Variants in ACTR3 observed in about 807,000 individuals in gnomAD.
ACTR3 encodes actin-related protein 3.
In ACTR3, 12 loss-of-function variants were observed where a neutral mutation model predicts 56.8. The observed-to-expected ratio is 0.21, with a 90% CI of 0.14 to 0.34. The LOEUF (loss-of-function observed/expected upper bound fraction) is 0.34. Ranked by LOEUF, ACTR3 falls within the 10% of genes least tolerant of loss-of-function variation. The pLI is 1.00. For synonymous variants in ACTR3, 162 were observed against 167.4 expected (o/e 0.97, Z 0.25); for missense variants, 282 against 512.5 (o/e 0.55, Z 4.34).
In ACTR3 at chr2:113,916,867, T is replaced by G; in HGVS notation, c.101-17T>G. The stretch of plus-strand genomic sequence containing the variant: ...TGAGGAAAATGAATTCTTTGACATG[T>G]CTAACTTATTTTAAAGGTATTGCTA... On this transcript the variant is annotated splice_polypyrimidine_tract_variant and intron_variant, in intron 2 of 11. Transcript: ENST00000263238. 6.3e-7 allele frequency: 1 copy of G among 1,583,148 alleles called. No homozygotes were observed. Among genetic ancestry groups the G allele is most frequent in the Non-Finnish European group, 8.6e-7 (1 of 1,165,540 alleles).
chr2:113,907,727 C>T (rs1230369187), intron 1 of ACTR3, among the ~76,000 whole-genome samples: 3 of 151,964 alleles, frequency 2.0e-5, no homozygotes, highest in Non-Finnish European at 4.4e-5. Context: ...AATCCCAGCA[C>T]TTTGAGAGGC....
intron 10 of ACTR3, 56 bp from the exon 11 acceptor site, chr2:113,955,567 A>G: frequency 7.8e-7 from 1 of 1,287,716 alleles, no homozygotes; most frequent in Non-Finnish European, 1.1e-6. Context: ...GTTAAATGAC[A>G]CAGAAGTTGT....
At chr2:113,891,728 A>G (rs1175739781) in intron 1 of ACTR3, among the ~76,000 whole-genome samples, 1 of 152,104 alleles carries the variant, frequency 6.6e-6, no homozygotes, top group Non-Finnish European at 1.5e-5. Flanking sequence ...ATAACTAGCT[A>G]GTGTGGCAGT....
intron 6 of ACTR3, 59 bp from the exon 7 acceptor site, chr2:113,939,900 G>C: frequency 6.8e-7 from 1 of 1,477,982 alleles, no homozygotes; most frequent in Non-Finnish European, 9.2e-7. Flanking sequence ...CATATTTTTG[G>C]GTTATATTAA....
chr2:113,951,927 G>T, intron 10 of ACTR3, 82 bp downstream of exon 10: 1 of 1,548,752 alleles, frequency 6.5e-7, no homozygotes, highest in South Asian at 1.2e-5. Flanking sequence ...CATTCACTCT[G>T]ATTTAGAAAA....
intron 10 of ACTR3, 199 bp downstream of exon 10, chr2:113,952,044 G>A: frequency 2.9e-6 from 2 of 695,720 alleles, no homozygotes; most frequent in South Asian, 3.4e-5. Context: ...CTGTATTTCT[G>A]GAAAATAATT....
chr2:113,907,547 C>T (rs72835466), intron 1 of ACTR3, among the ~76,000 whole-genome samples: 44,069 of 152,098 alleles, frequency 0.29, 8,021 homozygotes, highest in Middle Eastern at 0.44. Context: ...GCCGTCACAC[C>T]CAGCTCATGA....
At chr2:113,917,333 A>G (rs1020463644) in intron 3 of ACTR3, among the ~76,000 whole-genome samples, 6 of 152,038 alleles carry the variant, frequency 3.9e-5, no homozygotes, top group African/African-American at 1.4e-4. Flanking sequence ...TCTTTATTCA[A>G]ACTTACACCA....
intron 1 of ACTR3, chr2:113,904,816 C>A (rs767277836): frequency 6.6e-6 from 1 of 152,168 alleles, no homozygotes; most frequent in Non-Finnish European, 1.5e-5. Context: ...AGTTGAGTCT[C>A]TTTTCATTTA....
chr2:113,940,334 A>T (rs191192754), intron 7 of ACTR3, among the ~76,000 whole-genome samples: 83 of 152,290 alleles, frequency 5.5e-4, no homozygotes, highest in African/African-American at 2.0e-3. Flanking sequence ...TAATATAAGA[A>T]CATTTTACCA....
chr2:113,892,109 A>C (rs538643520), intron 1 of ACTR3, among the ~76,000 whole-genome samples: 5 of 152,202 alleles, frequency 3.3e-5, no homozygotes, highest in Non-Finnish European at 5.9e-5. Flanking sequence ...GTAACATCTC[A>C]AGTAGTATGT....
Position 113,951,462 on chromosome 2 carries a change from T to TC in ACTR3, c.859-15dup. 6.5e-7 allele frequency: 1 copy of TC among 1,532,442 alleles called. No individual in the cohort carries two copies. The highest frequency in any genetic ancestry group is 1.1e-5 in the South Asian group (1 of 89,170). 94.9% of individuals were successfully genotyped at this position (1,532,442 alleles called of 1,614,324 possible). A position where few individuals can be genotyped will look rare whatever the true frequency, so the allele number is the denominator to read the frequency against. ...GTAGTGATATGATCTCTATTATATATCCAACTTATTTTTCAGTTTGCTAAT... is the reference window on the plus strand; with the variant it reads ...GTAGTGATATGATCTCTATTATATATCCCAACTTATTTTTCAGTTTGCTAAT... On this transcript the variant is annotated splice_polypyrimidine_tract_variant and intron_variant, in intron 8 of 11. Transcript: ENST00000263238.
intron 4 of ACTR3, among the ~76,000 whole-genome samples, chr2:113,929,551 G>C (rs35086061): frequency 0.073 from 11,180 of 152,208 alleles, 451 homozygotes; most frequent in African/African-American, 0.1. Flanking sequence ...CAGCGTCATA[G>C]GGTAGGTACC....
chr2:113,910,952 A>G (rs1357210109), intron 1 of ACTR3, among the ~76,000 whole-genome samples: 3 of 152,214 alleles, frequency 2.0e-5, no homozygotes, highest in Admixed American at 6.5e-5. Context: ...ATAATTCACT[A>G]TTGGTTAGAT....
At chr2:113,948,697 A>G (rs1226373288) in intron 8 of ACTR3, among the ~76,000 whole-genome samples, 1 of 152,180 alleles carries the variant, frequency 6.6e-6, no homozygotes, top group African/African-American at 2.4e-5. Flanking sequence ...CCAAGAAGTC[A>G]TTAATAAACT....
intron 6 of ACTR3, among the ~76,000 whole-genome samples, chr2:113,939,112 C>T (rs2104616808): frequency 6.6e-6 from 1 of 151,932 alleles, no homozygotes; most frequent in South Asian, 2.1e-4. Flanking sequence ...CAAGCTCCGC[C>T]TCCCGGGTTC....
intron 6 of ACTR3, among the ~76,000 whole-genome samples, chr2:113,934,858 T>TTCTTAA (rs1559480537): frequency 6.6e-6 from 1 of 152,140 alleles, no homozygotes; most frequent in Non-Finnish European, 1.5e-5. Flanking sequence ...TCCAAGGCCG[T>TTCTTAA]TGTGCTTCAG....
At position 113,934,348 on chromosome 2, in the gene ACTR3, A is replaced by G; in HGVS notation, c.502A>G (p.Ile168Val). The G allele has an allele frequency of 6.2e-7, 1 of 1,608,266 alleles. No homozygotes were observed. The highest frequency in any genetic ancestry group is 8.5e-7 in the Non-Finnish European group (1 of 1,178,178). Residue 168 changes from isoleucine to valine, a missense_variant, in exon 6 of 12, where the codon ATA becomes GTA. Coordinates refer to ENST00000263238, the MANE Select transcript of ACTR3 (RefSeq NM_005721.5). ...AGAACGGACGTTGACCGGTACGGTA[A>G]TAGACAGTGGAGATGGTGTCACTCA... ...VGERTLTGTV[I>V]DSGDGVTHVI... is the part of the protein sequence containing the mutation.
At chr2:113,897,712 A>G (rs1679035531) in intron 1 of ACTR3, among the ~76,000 whole-genome samples, 1 of 151,794 alleles carries the variant, frequency 6.6e-6, no homozygotes, top group Non-Finnish European at 1.5e-5. Flanking sequence ...TTTTTAGTAG[A>G]GACCGGGTTT....
Sources: allele counts gnomAD v4.1 joint callset (sites outside exome capture counted in the v4.1 genomes callset), GRCh38; gene constraint gnomAD v4.1.1; transcripts MANE v1.5; gene names NCBI Gene and HGNC (gene_info 2026-07-23, HGNC 2026-07-21).